Variants in NOL4L observed in about 807,000 individuals in gnomAD.
NOL4L encodes nucleolar protein 4-like.
NOL4L carries 7 observed loss-of-function variants against 64.5 expected under a neutral mutation model. The ratio of observed to expected loss-of-function variants is 0.11; its 90% CI spans 0.06 to 0.20. The LOEUF (loss-of-function observed/expected upper bound fraction) is 0.20, where lower values mean the gene tolerates loss of function less well. Among genes scored for constraint, NOL4L ranks in the 10% least tolerant of loss-of-function variants. The pLI is 1.00. For missense variants in NOL4L, 680 were observed against 967.1 expected (o/e 0.70, Z 3.94); for synonymous variants, 413 against 401.0 (o/e 1.03, Z -0.36).
rs1278893256 is a variant in NOL4L, at chr20:32,463,715, A to G, written c.842-7320T>C. Among the ~76,000 whole-genome samples the G allele has an allele frequency of 6.6e-6, 1 of 152,168 alleles. No individual in the cohort carries two copies. The highest frequency in any genetic ancestry group is 1.5e-5 in the Non-Finnish European group (1 of 68,020). ...ACAAAAACCCCTTTTACCTCAGCAA[A>G]CAATGCCCTTATGTGGGCGCCAGTG... On this transcript the variant is annotated intron_variant, in intron 5 of 10. Coordinates refer to ENST00000621426, the MANE Select transcript of NOL4L (RefSeq NM_001256798.2). The surrounding 1 kb of genome is among the most constrained non-coding windows in gnomAD (Gnocchi z 5.8).
chr20:32,495,027 C>T (rs1249492680), intron 4 of NOL4L, among the ~76,000 whole-genome samples: 1 of 152,178 alleles, frequency 6.6e-6, no homozygotes, highest in African/African-American at 2.4e-5. Context: ...ACACAGGAGC[C>T]TCTTGACTCT....
chr20:32,578,139 G>GGAAGGAGGGAGGGAGA (rs1378928982), intron 1 of NOL4L, among the ~76,000 whole-genome samples: 3 of 70,688 alleles, frequency 4.2e-5, no homozygotes, highest in African/African-American at 2.9e-4. Flanking sequence ...AAGGAAGGAA[G>GGAAGGAGGGAGGGAGA]GAGGGAGGGA....
chr20:32,538,492 TCC>T (rs2018594806), intron 1 of NOL4L, among the ~76,000 whole-genome samples: 1 of 43,552 alleles, frequency 2.3e-5, no homozygotes, highest in African/African-American at 8.1e-5. Context: ...CCTCCCTCCC[TCC>T]CTCCCTCCTC....
intron 1 of NOL4L, among the ~76,000 whole-genome samples, chr20:32,541,600 G>C (rs559848749): frequency 3.3e-5 from 5 of 152,172 alleles, no homozygotes; most frequent in African/African-American, 1.2e-4. Flanking sequence ...AGGGTCCATC[G>C]GCCCGGGCCT....
rs1274462057 is a variant in NOL4L, at chr20:32,456,303, C to T, written c.934G>A (p.Glu312Lys). Residue 312 changes from glutamate to lysine, a missense_variant, in exon 6 of 11, where the codon GAG becomes AAG. Physicochemically the swap from Glu to Lys is moderately conservative, Grantham distance 56. Around this residue, in one of 4 missense-constraint regions of NOL4L, gnomAD observed 254 missense variants for 238.7 expected, o/e 1.06. Coordinates refer to ENST00000621426, the MANE Select transcript of NOL4L (RefSeq NM_001256798.2). ...SSTQGDPAFP[E>K]MNGNGAVAPM... ...GCCACGGCGCCGTTGCCATTCATCTCGGGGAAGGCAGGGTCGCCCTGCGTG... is the reference window on the plus strand; with the variant it reads ...GCCACGGCGCCGTTGCCATTCATCTTGGGGAAGGCAGGGTCGCCCTGCGTG... The T allele has an allele frequency of 3.8e-6, 6 of 1,579,680 alleles. No homozygotes were observed. Among genetic ancestry groups the T allele is most frequent in the African/African-American group, 1.4e-5 (1 of 73,928 alleles).
intron 4 of NOL4L, among the ~76,000 whole-genome samples, chr20:32,509,505 G>A (rs1279378163): frequency 8.7e-5 from 10 of 115,494 alleles, no homozygotes; most frequent in South Asian, 2.9e-4. Flanking sequence ...GTGGCAGAGT[G>A]AGACTCTGCC....
chr20:32,514,494 GA>G (rs1269971688), intron 3 of NOL4L, among the ~76,000 whole-genome samples: 4 of 149,836 alleles, frequency 2.7e-5, no homozygotes, highest in African/African-American at 7.4e-5. Context: ...CCGTCCCAAG[GA>G]AAAAAAAAAA....
In NOL4L at chr20:32,453,636, C is replaced by T; in HGVS notation, c.1245G>A (p.Glu415=). ...CAGAGTCGTTCATCTTGTCATTGTC[C>T]TCATGGTCATCGTGGTCATCGTCGT... is the stretch of plus-strand genomic sequence containing the variant. The part of the protein sequence containing the change: ...DDDDDDHDDH[E]DNDKMNDSEG... The change falls in exon 7 of 11, where the codon GAG becomes GAA. Residue 415 remains glutamate, a synonymous_variant. Transcript: ENST00000621426. This position sits in a 1 kb window ranked among gnomAD's most constrained non-coding sequence, Gnocchi z 5.6. 9.3e-6 allele frequency: 15 copies of T among 1,609,870 alleles called. No individual in the cohort carries two copies. Among genetic ancestry groups the T allele is most frequent in the Non-Finnish European group, 1.3e-5 (15 of 1,178,084 alleles).
At chr20:32,552,920 C>T (rs1978396012) in intron 1 of NOL4L, among the ~76,000 whole-genome samples, 1 of 152,186 alleles carries the variant, frequency 6.6e-6, no homozygotes, top group African/African-American at 2.4e-5. Flanking sequence ...AGGGGAATCG[C>T]TTGAATCTGG....
intron 4 of NOL4L, among the ~76,000 whole-genome samples, chr20:32,477,653 C>T (rs549358987): frequency 5.9e-5 from 9 of 152,244 alleles, no homozygotes; most frequent in Admixed American, 1.3e-4. Context: ...GGTCCCATTG[C>T]GCACAGTTCT....
At chr20:32,571,907 T>G (rs1176588990) in intron 1 of NOL4L, among the ~76,000 whole-genome samples, 3 of 152,222 alleles carry the variant, frequency 2.0e-5, no homozygotes, top group Non-Finnish European at 4.4e-5. Context: ...TGGGTCTCCA[T>G]GCTACTCGGT....
intron 1 of NOL4L, among the ~76,000 whole-genome samples, chr20:32,574,847 G>C (rs560647871): frequency 6.6e-6 from 1 of 152,004 alleles, no homozygotes; most frequent in East Asian, 1.9e-4. Flanking sequence ...GGACACCCTT[G>C]GATGCTGTGC....
intron 1 of NOL4L, among the ~76,000 whole-genome samples, chr20:32,568,839 C>T (rs1433389520): frequency 6.6e-6 from 1 of 152,180 alleles, no homozygotes; most frequent in Non-Finnish European, 1.5e-5. Flanking sequence ...TTGGGTAGGT[C>T]GGACCCCCCT....
At chr20:32,508,388 C>T (rs2017223752) in intron 4 of NOL4L, among the ~76,000 whole-genome samples, 3 of 152,228 alleles carry the variant, frequency 2.0e-5, no homozygotes. Flanking sequence ...GATAAATAAT[C>T]TGGTGAGCCA....
intron 2 of NOL4L, among the ~76,000 whole-genome samples, chr20:32,524,467 C>T (rs886713458): frequency 4.6e-5 from 7 of 152,210 alleles, no homozygotes; most frequent in African/African-American, 7.2e-5. Context: ...CCAAATAACA[C>T]GCCTCATTTA....
chr20:32,529,045 G>C (rs1013188576), intron 1 of NOL4L, among the ~76,000 whole-genome samples: 6 of 152,218 alleles, frequency 3.9e-5, no homozygotes, highest in Admixed American at 3.9e-4. Flanking sequence ...ACTTACAACA[G>C]TGCCTGACAC....
intron 1 of NOL4L, among the ~76,000 whole-genome samples, chr20:32,552,499 C>A (rs888701885): frequency 6.6e-6 from 1 of 152,010 alleles, no homozygotes; most frequent in African/African-American, 2.4e-5. Flanking sequence ...CCAGCCTAGC[C>A]AACATGGCGA....
At chr20:32,558,479 G>A (rs1447547182) in intron 1 of NOL4L, among the ~76,000 whole-genome samples, 1 of 152,216 alleles carries the variant, frequency 6.6e-6, no homozygotes, top group Non-Finnish European at 1.5e-5. Context: ...TGAGACTATT[G>A]AGGGCATCAC....
At chr20:32,567,847 C>T (rs777535612) in intron 1 of NOL4L, among the ~76,000 whole-genome samples, 3 of 152,036 alleles carry the variant, frequency 2.0e-5, no homozygotes, top group Admixed American at 6.5e-5. Context: ...ATCACACACA[C>T]CACCATCACC....
Sources: allele counts gnomAD v4.1 joint callset (sites outside exome capture counted in the v4.1 genomes callset), GRCh38; gene constraint gnomAD v4.1.1; regional missense constraint gnomAD v4.1.1; non-coding constraint Gnocchi (gnomAD v3.1); transcripts MANE v1.5; gene names NCBI Gene and HGNC (gene_info 2026-07-23, HGNC 2026-07-21).